Variants in PCDHA6 observed in about 807,000 individuals in gnomAD.
PCDHA6 encodes protocadherin alpha-6.
A neutral mutation model predicts 60.3 loss-of-function variants in PCDHA6; 55 were observed. The observed-to-expected ratio is 0.91, with a 90% confidence interval of 0.73 to 1.14. The LOEUF is 1.14. PCDHA6 is among the 50% of genes most tolerant of loss of function. The probability of loss-of-function intolerance (pLI) is 0.00; values close to 1 mark genes in which losing one functional copy is unlikely to be tolerated. For missense variants in PCDHA6, 1,327 were observed against 1,256.5 expected (o/e 1.06, Z -0.85); for synonymous variants, 652 against 557.9 (o/e 1.17, Z -2.38).
At chr5:140,869,044 C>T (rs2050811433) in intron 1 of PCDHA6, 1 of 1,530,006 alleles carries the variant, frequency 6.5e-7, no homozygotes, top group Non-Finnish European at 8.8e-7. Flanking sequence ...TAACCTGAAA[C>T]TGAAGAATCT....
At chr5:140,978,030 A>T (rs2096786422) in intron 1 of PCDHA6, among the ~76,000 whole-genome samples, 1 of 152,194 alleles carries the variant, frequency 6.6e-6, no homozygotes, top group Non-Finnish European at 1.5e-5. Flanking sequence ...GCTTACTGAT[A>T]CAAGACAGTG....
intron 1 of PCDHA6, among the ~76,000 whole-genome samples, chr5:140,878,711 G>A (rs944193090): frequency 6.6e-5 from 10 of 152,156 alleles, no homozygotes; most frequent in East Asian, 1.9e-4. Context: ...GGTAGTAAAG[G>A]CATTAAAATT....
rs2150173587 is a variant in PCDHA6, at chr5:140,829,735, C to G, written c.1644C>G (p.Asn548Lys). Residue 548 changes from asparagine to lysine, a missense_variant, in exon 1 of 4, where the codon AAC (asparagine) becomes AAG (lysine). By Grantham distance (94) the Asn-to-Lys change is moderately conservative (BLOSUM62 0). Transcript: ENST00000529310. ...RDAGVPPLGSNVTLQVFVLDE... is the reference protein window; with the variant it reads ...RDAGVPPLGSKVTLQVFVLDE... ...CGGGCGTGCCGCCTCTGGGCAGCAACGTGACGCTGCAGGTGTTCGTGCTGG... is the reference window on the plus strand; with the variant it reads ...CGGGCGTGCCGCCTCTGGGCAGCAAGGTGACGCTGCAGGTGTTCGTGCTGG... 4 of 1,613,534 alleles carry G rather than the reference C, an allele frequency of 2.5e-6. No homozygotes were observed. Among genetic ancestry groups the G allele is most frequent in the Non-Finnish European group, 2.5e-6 (3 of 1,179,892 alleles).
rs1207145020 is a variant in PCDHA6, at chr5:140,966,511, A to G, written c.2395-12438A>G. On this transcript the variant is annotated intron_variant, in intron 1 of 3. Coordinates refer to ENST00000529310, the MANE Select transcript of PCDHA6 (RefSeq NM_018909.4). ...CCCCTGGAGCTGTAGCGGCAGCAGC[A>G]GCAGGAAGCCGAGCCGGGTTGAGCG... The G allele has an allele frequency of 7.1e-5, 31 of 433,774 alleles. No homozygotes were observed. In the East Asian group the frequency reaches 1.1e-3, roughly 15 times the overall value. 26.9% of individuals were successfully genotyped at this position (433,774 alleles called of 1,614,324 possible). A position where few individuals can be genotyped will look rare whatever the true frequency, so the allele number is the denominator to read the frequency against.
At chr5:140,984,945 C>A (rs1316955910) in intron 3 of PCDHA6, among the ~76,000 whole-genome samples, 1 of 149,212 alleles carries the variant, frequency 6.7e-6, no homozygotes, top group Non-Finnish European at 1.5e-5. Flanking sequence ...AATGTCTAAT[C>A]TTTTTTTTTT....
intron 1 of PCDHA6, among the ~76,000 whole-genome samples, chr5:140,917,163 G>A (rs948639951): frequency 6.6e-6 from 1 of 152,182 alleles, no homozygotes; most frequent in Admixed American, 6.5e-5. Flanking sequence ...ATATGGGAGG[G>A]GTGATGGTGG....
At chr5:140,870,837 G>A (rs782610375) in intron 1 of PCDHA6, 9 of 1,613,702 alleles carry the variant, frequency 5.6e-6, no homozygotes, top group African/African-American at 1.3e-5. Flanking sequence ...CAGTTAACAA[G>A]CTAGTACCGC....
At position 140,869,859 on chromosome 5, in the gene PCDHA6, G is replaced by A. The variant is rs1368092611; in HGVS notation, c.2394+39374G>A. 4 of 1,610,412 alleles carry A rather than the reference G, an allele frequency of 2.5e-6. No homozygotes were observed. In the East Asian group the frequency reaches 8.9e-5, roughly 36 times the overall value. The stretch of plus-strand genomic sequence containing the variant: ...AATCAGAATATAAGGTGAGCCTTAT[G>A]GAAAATGCTGCTAAAGAAACTCTTG... On this transcript the variant is annotated intron_variant, in intron 1 of 3. Coordinates refer to ENST00000529310, the MANE Select transcript of PCDHA6 (RefSeq NM_018909.4).
chr5:140,835,758 G>A (rs2150244199), intron 1 of PCDHA6: 9 of 1,613,436 alleles, frequency 5.6e-6, no homozygotes, highest in Non-Finnish European at 7.6e-6. Flanking sequence ...CGCGCAGCCC[G>A]AGTATACGGT....
intron 3 of PCDHA6, among the ~76,000 whole-genome samples, chr5:140,993,129 G>A (rs1216210971): frequency 6.6e-6 from 1 of 152,160 alleles, no homozygotes; most frequent in Non-Finnish European, 1.5e-5. Flanking sequence ...ATTTCCTTCT[G>A]TTGCAACAAG....
intron 1 of PCDHA6, chr5:140,850,516 A>G: frequency 6.3e-7 from 1 of 1,598,240 alleles, no homozygotes; most frequent in Non-Finnish European, 8.6e-7. Context: ...GAGAGCGGCC[A>G]GGCGCCAAAG....
At chr5:140,993,509 CGGGGAGAG>C (rs2097568152) in intron 3 of PCDHA6, among the ~76,000 whole-genome samples, 1 of 143,490 alleles carries the variant, frequency 7.0e-6, no homozygotes, top group Non-Finnish European at 1.5e-5. Flanking sequence ...CACACACACA[CGGGGAGAG>C]AGAGACAGAG....
intron 1 of PCDHA6, among the ~76,000 whole-genome samples, chr5:140,911,305 T>C (rs1036239500): frequency 1.3e-5 from 2 of 152,186 alleles, no homozygotes; most frequent in Non-Finnish European, 2.9e-5. Context: ...CATATCCCCA[T>C]TCCAAGTTTC....
intron 1 of PCDHA6, among the ~76,000 whole-genome samples, chr5:140,905,301 C>T (rs1476283859): frequency 6.6e-6 from 1 of 152,182 alleles, no homozygotes; most frequent in Admixed American, 6.5e-5. Context: ...GGTGTCCTTT[C>T]CACACTTTGT....
rs782699904 is a variant in PCDHA6 at position 140,969,414 on chromosome 5, G to A, written c.2395-9535G>A. The A allele has an allele frequency of 6.4e-6, 10 of 1,566,012 alleles. No homozygotes were observed. The Admixed American group carries it at 1.3e-4, about 21-fold the overall frequency. On this transcript the variant is annotated intron_variant, in intron 1 of 3. Coordinates refer to ENST00000529310, the MANE Select transcript of PCDHA6 (RefSeq NM_018909.4). ...ATATCCTGTGATTTGGCTTTATTGA[G>A]TCATTAACAGTGACAAGAGTTATCT...
chr5:140,847,794 A>G (rs1581138286), intron 1 of PCDHA6: 1 of 149,890 alleles, frequency 6.7e-6, no homozygotes, highest in Admixed American at 6.7e-5. Context: ...GCAATATTTT[A>G]TACCTTTTCA....
chr5:140,956,774 C>A (rs1232431991), intron 1 of PCDHA6, among the ~76,000 whole-genome samples: 2 of 152,070 alleles, frequency 1.3e-5, no homozygotes, highest in Non-Finnish European at 2.9e-5. Flanking sequence ...TCTGTCTGGT[C>A]CTGGGCTTTG....
At chr5:140,882,584 C>G (rs1554174685) in intron 1 of PCDHA6, 5 of 1,614,238 alleles carry the variant, frequency 3.1e-6, no homozygotes, top group South Asian at 1.1e-5. Flanking sequence ...CAGCATCCAC[C>G]TGGAGGTGAT....
chr5:140,952,176 C>G (rs1300041660), intron 1 of PCDHA6, among the ~76,000 whole-genome samples: 1 of 152,058 alleles, frequency 6.6e-6, no homozygotes, highest in African/African-American at 2.4e-5. Flanking sequence ...GTTCCTGCAG[C>G]TGCTCTCATG....
Sources: gnomAD v4.1 joint callset for allele counts (sites outside exome capture counted in the v4.1 genomes callset) on GRCh38, gnomAD v4.1.1 for gene constraint, MANE v1.5 for transcripts, NCBI Gene and HGNC (gene_info 2026-07-23, HGNC 2026-07-21) for gene names.